ADGRV1: variants seen among roughly 807,000 people sequenced by gnomAD.
ADGRV1 encodes adhesion G protein-coupled receptor V1, also known as G-protein coupled receptor 98.
A neutral mutation model predicts 596.2 loss-of-function variants in ADGRV1; 359 were observed. The observed-to-expected ratio is 0.60, with a 90% confidence interval of 0.55 to 0.66. The LOEUF (loss-of-function observed/expected upper bound fraction) is 0.66. Ranked by LOEUF, ADGRV1 falls within the 30% of genes least tolerant of loss-of-function variation. The probability of loss-of-function intolerance (pLI) is 0.00; values close to 1 mark genes in which losing one functional copy is unlikely to be tolerated. For missense variants in ADGRV1, 7,274 were observed against 7,575.6 expected (o/e 0.96, Z 1.48); for synonymous variants, 2,681 against 2,679.2 (o/e 1.00, Z -0.02).
intron 50 of ADGRV1, among the ~76,000 whole-genome samples, chr5:90,730,459 T>C (rs1032344175): frequency 6.6e-6 from 1 of 152,236 alleles, no homozygotes; most frequent in Non-Finnish European, 1.5e-5. Flanking sequence ...TGAATTTTTT[T>C]TAAGTTGGAG....
intron 86 of ADGRV1, among the ~76,000 whole-genome samples, chr5:91,085,676 T>C (rs1582010780): frequency 1.3e-5 from 2 of 152,234 alleles, no homozygotes; most frequent in South Asian, 2.1e-4. Context: ...CTGTTTTTCC[T>C]ACTCTTGGAA....
chr5:91,135,324 A>G (rs1207294666), intron 87 of ADGRV1, among the ~76,000 whole-genome samples: 1 of 152,222 alleles, frequency 6.6e-6, no homozygotes, highest in Non-Finnish European at 1.5e-5. Context: ...GCACACGCAT[A>G]CATACATACA....
intron 57 of ADGRV1, among the ~76,000 whole-genome samples, chr5:90,758,294 C>T (rs1379929020): frequency 6.6e-6 from 1 of 152,094 alleles, no homozygotes; most frequent in East Asian, 1.9e-4. Flanking sequence ...GATTGCACCA[C>T]TGCACTCCAG....
At chr5:90,580,258 C>T (rs948865781) in intron 1 of ADGRV1, among the ~76,000 whole-genome samples, 7 of 152,134 alleles carry the variant, frequency 4.6e-5, no homozygotes, top group African/African-American at 1.7e-4. Flanking sequence ...ACCGATTGTT[C>T]CTTTCCATGT....
intron 83 of ADGRV1, among the ~76,000 whole-genome samples, chr5:90,919,277 C>G (rs1482079252): frequency 6.6e-6 from 1 of 152,026 alleles, no homozygotes; most frequent in Non-Finnish European, 1.5e-5. Context: ...CTATATATTC[C>G]CAAACAATGG....
chr5:90,853,017 T>C (rs1581327538), intron 79 of ADGRV1, among the ~76,000 whole-genome samples: 2 of 152,218 alleles, frequency 1.3e-5, no homozygotes, highest in Admixed American at 6.5e-5. Flanking sequence ...AGATTTCATC[T>C]TGATATCCAT....
intron 85 of ADGRV1, among the ~76,000 whole-genome samples, chr5:91,072,033 A>C (rs62376492): frequency 0.035 from 5,348 of 152,178 alleles, 130 homozygotes; most frequent in Non-Finnish European, 0.055. Context: ...AGTATATCTA[A>C]AGTGACTCTT....
intron 1 of ADGRV1, among the ~76,000 whole-genome samples, chr5:90,607,467 T>G (rs892854604): frequency 1.3e-5 from 2 of 152,124 alleles, no homozygotes; most frequent in African/African-American, 4.8e-5. Flanking sequence ...ATGTGAGCCG[T>G]GTTTGTGGGT....
chr5:90,634,254 T>C (rs1356986887), intron 9 of ADGRV1, among the ~76,000 whole-genome samples: 2 of 152,188 alleles, frequency 1.3e-5, no homozygotes, highest in African/African-American at 4.8e-5. Context: ...ATCAGAATTC[T>C]TATAGAGCTC....
In ADGRV1 at chr5:90,635,283, C is replaced by T. The variant is rs1178912799; in HGVS notation, c.2009C>T (p.Ala670Val). 1 of 1,609,570 alleles carries T rather than the reference C, an allele frequency of 6.2e-7. No homozygotes were observed. Among genetic ancestry groups the T allele is most frequent in the East Asian group, 2.2e-5 (1 of 44,826 alleles). The change falls in exon 10 of 90, where the codon GCT (alanine) becomes GTT (valine). Residue 670 changes from alanine to valine, a missense_variant. Transcript: ENST00000405460. ...IILHEPEDFAAEVVYIPLHRD... is the reference protein window; with the variant it reads ...IILHEPEDFAVEVVYIPLHRD... ...TTGCATGAACCAGAAGATTTTGCTGCTGAAGTGGTAAGTAGGCTCTTTCTT... is the reference window on the plus strand; with the variant it reads ...TTGCATGAACCAGAAGATTTTGCTGTTGAAGTGGTAAGTAGGCTCTTTCTT...
At chr5:90,841,029 T>C (rs975144106) in intron 78 of ADGRV1, 44 bp downstream of exon 78, 2 of 1,396,116 alleles carry the variant, frequency 1.4e-6, no homozygotes, top group African/African-American at 2.9e-5. Flanking sequence ...TGAAATTTTG[T>C]AAATTTAAAA....
intron 85 of ADGRV1, among the ~76,000 whole-genome samples, chr5:91,071,330 C>T (rs997790328): frequency 6.6e-6 from 1 of 152,120 alleles, no homozygotes; most frequent in Non-Finnish European, 1.5e-5. Flanking sequence ...ATCCTGATGG[C>T]ATTCTTCTTC....
chr5:90,689,552 G>A (rs1245604457), intron 29 of ADGRV1, among the ~76,000 whole-genome samples: 1 of 151,410 alleles, frequency 6.6e-6, no homozygotes, highest in Non-Finnish European at 1.5e-5. Flanking sequence ...TAGTTAAGGG[G>A]GCCTATCTTG....
intron 61 of ADGRV1, among the ~76,000 whole-genome samples, chr5:90,777,269 G>T (rs143326843): frequency 2.4e-4 from 36 of 152,150 alleles, no homozygotes; most frequent in Non-Finnish European, 5.0e-4. Context: ...CAAGGGGGAA[G>T]TCCATCCCCA....
Position 90,745,674 on chromosome 5 carries a change from A to T in ADGRV1, c.10853A>T (p.Glu3618Val), listed in dbSNP as rs1754543051. The T allele has an allele frequency of 1.2e-6, 2 of 1,612,564 alleles. No homozygotes were observed. Among genetic ancestry groups the T allele is most frequent in the African/African-American group, 2.7e-5 (2 of 74,910 alleles). The change falls in exon 52 of 90, where the codon GAA becomes GTA. Residue 3618 changes from glutamate (E) to valine (V), a missense_variant. Glu to Val is a moderately radical substitution (Grantham distance 121). Transcript: ENST00000405460. Reference protein sequence around the residue: ...NILDDTVPEKEESFKVQLKNP... With the variant: ...NILDDTVPEKVESFKVQLKNP... ...CTTGATGATACAGTTCCAGAAAAAG[A>T]AGAATCCTTCAAAGTTCAACTTAAA... is the stretch of plus-strand genomic sequence containing the variant.
intron 49 of ADGRV1, 127 bp downstream of exon 49, chr5:90,729,060 A>C: frequency 1.5e-6 from 1 of 659,668 alleles, no homozygotes; most frequent in Non-Finnish European, 2.4e-6. Context: ...TTCTTGATAG[A>C]TAAGTATTAA....
chr5:91,051,183 C>T (rs1786289271), intron 85 of ADGRV1, among the ~76,000 whole-genome samples: 1 of 152,166 alleles, frequency 6.6e-6, no homozygotes, highest in African/African-American at 2.4e-5. Flanking sequence ...ATCCCATAAA[C>T]TGAAGATACT....
chr5:90,646,028 G>A lies in ADGRV1; in HGVS notation c.2959G>A (p.Val987Met). The change falls in exon 16 of 90, where the codon GTG (valine) becomes ATG (methionine). Residue 987 changes from valine (V) to methionine (M), a missense_variant. By Grantham distance (21) the Val-to-Met change is conservative. Coordinates refer to ENST00000405460, the MANE Select transcript of ADGRV1 (RefSeq NM_032119.4). ...ACTGAATGGCACTGGAGGAGCTAAA[G>A]TGGGAAATAGAACAACTGCAACTCT... ...ILLNGTGGAKVGNRTTATLRI... is the reference protein window; with the variant it reads ...ILLNGTGGAKMGNRTTATLRI... 1 of 1,606,954 alleles carries A rather than the reference G, an allele frequency of 6.2e-7. No homozygotes were observed.
chr5:91,084,715 G>A (rs1002951366), intron 86 of ADGRV1, among the ~76,000 whole-genome samples: 1 of 152,204 alleles, frequency 6.6e-6, no homozygotes, highest in Non-Finnish European at 1.5e-5. Context: ...TTGACCCAGC[G>A]ATCCCATTAC....
Sources: allele counts gnomAD v4.1 joint callset (sites outside exome capture counted in the v4.1 genomes callset), GRCh38; gene constraint gnomAD v4.1.1; transcripts MANE v1.5; gene names NCBI Gene and HGNC (gene_info 2026-07-23, HGNC 2026-07-21).